The following ATRNL1 variants were observed in gnomAD, a reference collection of about 807,000 sequenced individuals.
ATRNL1 encodes the protein attractin-like protein 1.
In ATRNL1, 95 loss-of-function variants were observed where a neutral mutation model predicts 182.7. The ratio of observed to expected loss-of-function variants is 0.52; its 90% CI spans 0.44 to 0.62. ATRNL1 has a LOEUF of 0.62. ATRNL1 is among the 20% of genes least tolerant of loss of function. The pLI, the probability that ATRNL1 is intolerant of heterozygous loss-of-function variation, is 0.00. For synonymous variants in ATRNL1, 576 were observed against 568.3 expected, an observed-to-expected ratio of 1.01 and a Z score of -0.19; for missense variants, 1,471 against 1,679.5, an observed-to-expected ratio of 0.88 and a Z score of 2.17.
chr10:115,527,254 G>A (rs1554986807), intron 25 of ATRNL1, among the ~76,000 whole-genome samples: 1 of 151,816 alleles, frequency 6.6e-6, no homozygotes, highest in Non-Finnish European at 1.5e-5. Flanking sequence ...GAGTAGCTGG[G>A]ACCACAGGAG....
intron 26 of ATRNL1, among the ~76,000 whole-genome samples, chr10:115,666,621 T>C (rs894752591): frequency 6.6e-6 from 1 of 152,130 alleles, no homozygotes; most frequent in Non-Finnish European, 1.5e-5. Context: ...AGCCTTCCAA[T>C]ATGACAGCCA....
At chr10:115,737,757 C>G (rs1202008814) in intron 27 of ATRNL1, among the ~76,000 whole-genome samples, 1 of 152,174 alleles carries the variant, frequency 6.6e-6, no homozygotes, top group Non-Finnish European at 1.5e-5. Flanking sequence ...AATGAGGACT[C>G]AGACCCCCAA....
At chr10:115,717,036 A>G (rs782226436) in intron 26 of ATRNL1, among the ~76,000 whole-genome samples, 7 of 152,158 alleles carry the variant, frequency 4.6e-5, no homozygotes, top group African/African-American at 9.7e-5. Flanking sequence ...CTTTTAAATG[A>G]CCTTTTCAGT....
chr10:115,490,675 G>A (rs1242186271), intron 24 of ATRNL1, among the ~76,000 whole-genome samples: 1 of 151,962 alleles, frequency 6.6e-6, no homozygotes, highest in Non-Finnish European at 1.5e-5. Context: ...GCTCCTCCAT[G>A]CTCCTTTAGC....
chr10:115,942,279 T>C (rs1352244227), intron 28 of ATRNL1, among the ~76,000 whole-genome samples: 5 of 152,236 alleles, frequency 3.3e-5, no homozygotes, highest in Admixed American at 2.0e-4. Flanking sequence ...ATCTTAAACA[T>C]GGAACTTATG....
At chr10:115,340,471 CTTTTCTTT>C (rs1216966284) in intron 19 of ATRNL1, among the ~76,000 whole-genome samples, 17 of 89,568 alleles carry the variant, frequency 1.9e-4, no homozygotes, top group Non-Finnish European at 3.0e-4. Context: ...CTTTTCTTTT[CTTTTCTTT>C]TTTTTTTTTT....
chr10:115,346,820 TG>T (rs1367148732), intron 19 of ATRNL1, among the ~76,000 whole-genome samples: 2 of 152,182 alleles, frequency 1.3e-5, no homozygotes, highest in Non-Finnish European at 1.5e-5. Context: ...TCCACCATTC[TG>T]TAGGTTGTGT....
At chr10:115,711,985 A>G (rs1555054666) in intron 26 of ATRNL1, among the ~76,000 whole-genome samples, 3 of 152,168 alleles carry the variant, frequency 2.0e-5, no homozygotes, top group Non-Finnish European at 4.4e-5. Flanking sequence ...GTCTAAAATT[A>G]TTTTGCCTTT....
intron 28 of ATRNL1, among the ~76,000 whole-genome samples, chr10:115,911,261 A>G (rs1245595940): frequency 1.3e-5 from 2 of 151,974 alleles, no homozygotes; most frequent in Non-Finnish European, 2.9e-5. Flanking sequence ...CAGCCTCCCA[A>G]AGTGCTAGGA....
At chr10:115,236,402 A>G (rs1554901428) in intron 9 of ATRNL1, among the ~76,000 whole-genome samples, 1 of 152,136 alleles carries the variant, frequency 6.6e-6, no homozygotes, top group East Asian at 1.9e-4. Flanking sequence ...CCTCTTTCAC[A>G]TTTGTAAATC....
At chr10:115,853,459 G>A (rs1174435152) in intron 28 of ATRNL1, among the ~76,000 whole-genome samples, 1 of 152,142 alleles carries the variant, frequency 6.6e-6, no homozygotes, top group Non-Finnish European at 1.5e-5. Flanking sequence ...CGGGTCTGCT[G>A]GCTCACAGTG....
At chr10:115,447,206 T>A (rs1334072908) in intron 21 of ATRNL1, among the ~76,000 whole-genome samples, 3 of 151,828 alleles carry the variant, frequency 2.0e-5, no homozygotes, top group Admixed American at 6.6e-5. Flanking sequence ...TATTTCATAG[T>A]ATATAGAATA....
chr10:115,145,954 C>A (rs973282113), intron 5 of ATRNL1, among the ~76,000 whole-genome samples: 16 of 152,048 alleles, frequency 1.1e-4, no homozygotes, highest in African/African-American at 3.9e-4. Context: ...TCAATACAGT[C>A]CCATTTTCCC....
At chr10:115,561,704 G>GTGTGTGTGTGTGTGTGTGTGTGTGT (rs1554999746) in intron 26 of ATRNL1, among the ~76,000 whole-genome samples, 1 of 144,938 alleles carries the variant, frequency 6.9e-6, no homozygotes, top group Non-Finnish European at 1.5e-5. Flanking sequence ...TGTGTGTGTG[G>GTGTGTGTGTGTGTGTGTGTGTGTGT]GTGTGTGTGT....
chr10:115,372,332 G>T (rs1564968695), intron 19 of ATRNL1, among the ~76,000 whole-genome samples: 1 of 152,080 alleles, frequency 6.6e-6, no homozygotes, highest in Non-Finnish European at 1.5e-5. Flanking sequence ...TCACTGTGTG[G>T]ATTGCTTCTT....
chr10:115,119,855 T>G (rs1489480044), intron 1 of ATRNL1, among the ~76,000 whole-genome samples: 4 of 152,092 alleles, frequency 2.6e-5, no homozygotes, highest in Admixed American at 2.6e-4. Flanking sequence ...CTCAACCTAA[T>G]TTTTGTGCAG....
intron 28 of ATRNL1, among the ~76,000 whole-genome samples, chr10:115,886,585 G>C (rs1321001686): frequency 6.6e-6 from 1 of 152,158 alleles, no homozygotes; most frequent in East Asian, 1.9e-4. Context: ...AATGTCATGT[G>C]ATTTGTAAGT....
chr10:115,273,908 C>T (rs1851984694), intron 13 of ATRNL1, among the ~76,000 whole-genome samples: 1 of 152,184 alleles, frequency 6.6e-6, no homozygotes, highest in African/African-American at 2.4e-5. Context: ...TGCCGCTGTG[C>T]ATACCCAACC....
chr10:115,602,864 A>AAAAC (rs1555016464), intron 26 of ATRNL1, among the ~76,000 whole-genome samples: 12 of 151,896 alleles, frequency 7.9e-5, no homozygotes, highest in South Asian at 2.1e-4. Context: ...AAAAAAAAAA[A>AAAAC]AAACATTGCA....
Sources: allele counts gnomAD v4.1 joint callset (sites outside exome capture counted in the v4.1 genomes callset), GRCh38; gene constraint gnomAD v4.1.1; transcripts MANE v1.5; gene names NCBI Gene and HGNC (gene_info 2026-07-23, HGNC 2026-07-21).